Variants in PDZRN3 observed in about 807,000 individuals in gnomAD.
PDZRN3 encodes the protein PDZ domain containing ring finger 3.
Under a neutral mutation model 85.7 loss-of-function variants are expected in PDZRN3, and 38 were observed. That is an observed-to-expected ratio of 0.44 (90% confidence interval 0.34 to 0.58). The LOEUF (loss-of-function observed/expected upper bound fraction) is 0.58. Ranked by LOEUF, PDZRN3 falls within the 20% of genes least tolerant of loss-of-function variation. PDZRN3 has a pLI of 0.01. For synonymous variants in PDZRN3, 759 were observed against 638.0 expected (o/e 1.19, Z -2.86); for missense variants, 1,629 against 1,506.4 (o/e 1.08, Z -1.35).
chr3:73,433,686 G>A, intron 3 of PDZRN3: 1 of 1,536,126 alleles, frequency 6.5e-7, no homozygotes, highest in Non-Finnish European at 8.7e-7. Context: ...TGCTTCTGCA[G>A]GCTGCACAGA....
At position 73,493,461 on chromosome 3, in the gene PDZRN3, T is replaced by C. The variant is rs1703812845; in HGVS notation, c.919-89066A>G. ...CTGGGTGACTGAGCGCCCCAGTAGA[T>C]GAGGAGGAGCAGGAGGCTGTGTGGA... On this transcript the variant is annotated intron_variant, in intron 3 of 9. Transcript: ENST00000263666. Among the ~76,000 whole-genome samples, 5 of 152,066 alleles carry C rather than the reference T, an allele frequency of 3.3e-5. No homozygotes were observed. In the South Asian group the frequency reaches 1.0e-3, roughly 32 times the overall value.
At chr3:73,603,577 T>C (rs1416012554) in intron 2 of PDZRN3, among the ~76,000 whole-genome samples, 3 of 152,164 alleles carry the variant, frequency 2.0e-5, no homozygotes, top group African/African-American at 7.2e-5. Flanking sequence ...AACTCCAAAA[T>C]CTAGTCATGG....
rs181285186 is a variant in PDZRN3 at position 73,621,371 on chromosome 3, C to T, written c.723+2732G>A. Among the ~76,000 whole-genome samples the T allele has an allele frequency of 1.0e-3, 159 of 152,274 alleles. 1 individual carries two copies. In the South Asian group the frequency reaches 0.022, roughly 21 times the overall value. On this transcript the variant is annotated intron_variant, in intron 1 of 9. Coordinates refer to ENST00000263666, the MANE Select transcript of PDZRN3 (RefSeq NM_015009.3). Reference sequence around the variant, plus strand: ...TCTGAGTGTTTCTAATCTCCTTCAGCTTATAACAGAGAAGCAAACATTAGG... The same window carrying T: ...TCTGAGTGTTTCTAATCTCCTTCAGTTTATAACAGAGAAGCAAACATTAGG...
intron 3 of PDZRN3, among the ~76,000 whole-genome samples, chr3:73,503,892 G>T (rs1704025156): frequency 6.6e-6 from 1 of 152,136 alleles, no homozygotes; most frequent in African/African-American, 2.4e-5. Context: ...GTGGGGAGGG[G>T]GAGAGCCTAA....
intron 2 of PDZRN3, among the ~76,000 whole-genome samples, chr3:73,606,578 G>A (rs1559755876): frequency 1.3e-5 from 2 of 152,232 alleles, no homozygotes; most frequent in Admixed American, 6.5e-5. Context: ...ACCTCACGCG[G>A]TTCTATAGTT....
At position 73,384,592 on chromosome 3, in the gene PDZRN3, G is replaced by C; in HGVS notation, c.1974C>G (p.Ser658Arg). 6.2e-7 allele frequency: 1 copy of C among 1,613,756 alleles called. No individual in the cohort carries two copies. Among genetic ancestry groups the C allele is most frequent in the Non-Finnish European group, 8.5e-7 (1 of 1,180,028 alleles). ...ELLELKCQVKSATPYGLYYPS... is the reference protein window; with the variant it reads ...ELLELKCQVKRATPYGLYYPS... ...GGTAGTACAGGCCGTAAGGGGTGGC[G>C]CTCTTCACCTGGCACTTGAGCTCCA... The change falls in exon 10 of 10, where the codon AGC becomes AGG. Residue 658 changes from serine to arginine, a missense_variant. Transcript: ENST00000263666.
rs534805308 is a variant in PDZRN3 at position 73,434,349 on chromosome 3, G to A, written c.919-29954C>T. Among the ~76,000 whole-genome samples, 12 of 152,084 alleles carry A rather than the reference G, an allele frequency of 7.9e-5. 1 individual carries two copies. Among genetic ancestry groups the A allele is most frequent in the African/African-American group, 2.7e-4 (11 of 41,484 alleles). ...CTGCAGATAATGATGGCATATAAAC[G>A]GACTTTATGGAAAGGACATGTTTTG... On this transcript the variant is annotated intron_variant, in intron 3 of 9. Transcript: ENST00000263666.
intron 3 of PDZRN3, among the ~76,000 whole-genome samples, chr3:73,457,274 C>T (rs998721873): frequency 7.2e-5 from 11 of 151,970 alleles, no homozygotes; most frequent in African/African-American, 1.7e-4. Flanking sequence ...GGTTTTACCA[C>T]GTTGGCCAGG....
chr3:73,481,997 G>A (rs572443952), intron 3 of PDZRN3, among the ~76,000 whole-genome samples: 3 of 152,160 alleles, frequency 2.0e-5, no homozygotes, highest in South Asian at 2.1e-4. Context: ...TCCATTATGC[G>A]AAAATGGCAA....
chr3:73,454,946 A>G (rs528480664), intron 3 of PDZRN3, among the ~76,000 whole-genome samples: 7 of 151,964 alleles, frequency 4.6e-5, no homozygotes, highest in African/African-American at 1.7e-4. Context: ...TCTGTAAGAA[A>G]TGTCTTGATT....
intron 3 of PDZRN3, among the ~76,000 whole-genome samples, chr3:73,459,823 C>T (rs1347718625): frequency 6.6e-6 from 1 of 152,106 alleles, no homozygotes; most frequent in Non-Finnish European, 1.5e-5. Context: ...TTATATCTGC[C>T]TAACAGATGG....
rs1559646307 is a variant in PDZRN3 at position 73,384,371 on chromosome 3, C to G, written c.2195G>C (p.Ser732Thr). The change falls in exon 10 of 10, where the codon AGC becomes ACC. Residue 732 changes from serine to threonine, a missense_variant. Coordinates refer to ENST00000263666, the MANE Select transcript of PDZRN3 (RefSeq NM_015009.3). ...HNSGFRNYNT[S>T]IDVRRHELSD... is the part of the protein sequence containing the mutation. ...GAGCTCGTGTCTGCGCACGTCGATGCTGGTGTTGTAGTTGCGGAAGCCGCT... is the reference window on the plus strand; with the variant it reads ...GAGCTCGTGTCTGCGCACGTCGATGGTGGTGTTGTAGTTGCGGAAGCCGCT... The G allele has an allele frequency of 6.2e-7, 1 of 1,609,534 alleles. No individual in the cohort carries two copies. Among genetic ancestry groups the G allele is most frequent in the Non-Finnish European group, 8.5e-7 (1 of 1,179,946 alleles).
At chr3:73,387,946 C>T (rs1388181765) in intron 8 of PDZRN3, 22 bp downstream of exon 8, 3 of 1,145,126 alleles carry the variant, frequency 2.6e-6, no homozygotes, top group East Asian at 2.4e-5. Flanking sequence ...GACCCAGTTT[C>T]ATCTGTAGGA....
At chr3:73,596,787 G>C (rs1366739542) in intron 3 of PDZRN3, among the ~76,000 whole-genome samples, 1 of 152,188 alleles carries the variant, frequency 6.6e-6, no homozygotes, top group Non-Finnish European at 1.5e-5. Context: ...TACAACCCAT[G>C]ACAGTGGTTT....
chr3:73,480,061 C>T (rs1173676409), intron 3 of PDZRN3, among the ~76,000 whole-genome samples: 1 of 152,168 alleles, frequency 6.6e-6, no homozygotes, highest in Non-Finnish European at 1.5e-5. Context: ...AGCCACCATC[C>T]TTGGGGTAGG....
chr3:73,616,864 G>A (rs113439044), intron 1 of PDZRN3, among the ~76,000 whole-genome samples: 1,609 of 152,192 alleles, frequency 0.011, 21 homozygotes, highest in African/African-American at 0.037. Flanking sequence ...AAGGTTAGAA[G>A]AGCCTCCCAG....
At chr3:73,547,272 ATAGT>A (rs1225068152) in intron 3 of PDZRN3, among the ~76,000 whole-genome samples, 1 of 152,238 alleles carries the variant, frequency 6.6e-6, no homozygotes, top group Non-Finnish European at 1.5e-5. Context: ...ATGGCAGTAG[ATAGT>A]TGTTTTCTTT....
intron 3 of PDZRN3, among the ~76,000 whole-genome samples, chr3:73,508,255 G>T (rs376291695): frequency 1.5e-4 from 23 of 152,292 alleles, no homozygotes; most frequent in South Asian, 1.0e-3. Flanking sequence ...GTGTTGCCTT[G>T]AACAAGGAGC....
intron 1 of PDZRN3, among the ~76,000 whole-genome samples, chr3:73,620,738 A>G (rs1702845717): frequency 1.3e-5 from 2 of 152,068 alleles, no homozygotes; most frequent in Middle Eastern, 3.4e-3. Context: ...CACCGCGCCC[A>G]GCTAATTTTT....
Sources: allele counts gnomAD v4.1 joint callset (sites outside exome capture counted in the v4.1 genomes callset), GRCh38; gene constraint gnomAD v4.1.1; transcripts MANE v1.5; gene names NCBI Gene and HGNC (gene_info 2026-07-23, HGNC 2026-07-21).